Variants in FAF1 observed in about 807,000 individuals in gnomAD.
FAF1 encodes the protein FAS-associated factor 1.
FAF1 carries 25 observed loss-of-function variants against 92.5 expected under a neutral mutation model. The observed-to-expected ratio is 0.27, with a 90% CI of 0.20 to 0.38. The LOEUF is 0.38. FAF1 is among the 10% of genes least tolerant of loss of function. The pLI is 1.00. For synonymous variants in FAF1, 234 were observed against 273.2 expected, an observed-to-expected ratio of 0.86 and a Z score of 1.42; for missense variants, 636 against 793.3, an observed-to-expected ratio of 0.80 and a Z score of 2.38.
chr1:50,481,776 C>T (rs1311051838), intron 17 of FAF1, among the ~76,000 whole-genome samples: 2 of 151,996 alleles, frequency 1.3e-5, no homozygotes, highest in Non-Finnish European at 2.9e-5. Flanking sequence ...GAGGGTTCCA[C>T]ATGGATATTT....
At chr1:50,486,714 A>C (rs1019079758) in intron 17 of FAF1, among the ~76,000 whole-genome samples, 25 of 152,126 alleles carry the variant, frequency 1.6e-4, no homozygotes, top group African/African-American at 6.0e-4. Flanking sequence ...TGAGGGCTGG[A>C]CTATGCCTCG....
At chr1:50,449,899 TAA>T (rs1646274435) in intron 18 of FAF1, among the ~76,000 whole-genome samples, 1 of 151,834 alleles carries the variant, frequency 6.6e-6, no homozygotes, top group Non-Finnish European at 1.5e-5. Flanking sequence ...ATCATCCCTA[TAA>T]AAAGTTACCA....
chr1:50,943,430 TATTA>T (rs1233325957), intron 1 of FAF1, among the ~76,000 whole-genome samples: 2 of 152,204 alleles, frequency 1.3e-5, no homozygotes. Flanking sequence ...CAATAAGATA[TATTA>T]GTTAATTGTA....
At chr1:50,491,132 C>G (rs1572781065) in intron 16 of FAF1, among the ~76,000 whole-genome samples, 1 of 152,134 alleles carries the variant, frequency 6.6e-6, no homozygotes, top group Non-Finnish European at 1.5e-5. Flanking sequence ...TTGAAACATT[C>G]CCAGTATAGT....
chr1:50,663,174 G>T (rs995143652), intron 7 of FAF1, among the ~76,000 whole-genome samples: 2 of 151,536 alleles, frequency 1.3e-5, no homozygotes, highest in African/African-American at 4.9e-5. Context: ...AAGTTGCAGG[G>T]ATTATAACTG....
At chr1:50,735,711 T>C (rs1481465516) in intron 6 of FAF1, among the ~76,000 whole-genome samples, 1 of 152,144 alleles carries the variant, frequency 6.6e-6, no homozygotes, top group East Asian at 1.9e-4. Context: ...TTAATAACTA[T>C]TTTATTTTAT....
At chr1:50,877,205 C>T (rs899730036) in intron 1 of FAF1, among the ~76,000 whole-genome samples, 3 of 152,120 alleles carry the variant, frequency 2.0e-5, no homozygotes, top group African/African-American at 7.2e-5. Context: ...TGATCAAGGT[C>T]AATATCAACA....
At chr1:50,951,365 A>G (rs866169462) in intron 1 of FAF1, among the ~76,000 whole-genome samples, 5 of 152,264 alleles carry the variant, frequency 3.3e-5, no homozygotes, top group African/African-American at 9.6e-5. Context: ...GAAGTTCCCA[A>G]CAGAGAACAA....
At chr1:50,712,649 C>G (rs1557488549) in intron 6 of FAF1, among the ~76,000 whole-genome samples, 1 of 151,918 alleles carries the variant, frequency 6.6e-6, no homozygotes, top group Non-Finnish European at 1.5e-5. Flanking sequence ...GAGAGAGACT[C>G]TGTTGTAAAA....
intron 1 of FAF1, among the ~76,000 whole-genome samples, chr1:50,937,491 A>G (rs1645097227): frequency 6.6e-6 from 1 of 152,052 alleles, no homozygotes; most frequent in African/African-American, 2.4e-5. Flanking sequence ...CTGCCTTACA[A>G]AGTAGTGATC....
At chr1:50,705,736 A>G (rs1657647522) in intron 7 of FAF1, 50 bp downstream of exon 7, 2 of 1,017,254 alleles carry the variant, frequency 2.0e-6, no homozygotes, top group Non-Finnish European at 3.1e-6. Flanking sequence ...CAGGGTCAAC[A>G]TTAGCTATAA....
chr1:50,864,042 T>G (rs1160870715), intron 1 of FAF1, among the ~76,000 whole-genome samples: 2 of 148,568 alleles, frequency 1.3e-5, no homozygotes, highest in Non-Finnish European at 3.0e-5. Context: ...GTGGGATCAG[T>G]GGTGATATCC....
At chr1:50,550,947 G>A (rs1404470071) in intron 13 of FAF1, among the ~76,000 whole-genome samples, 1 of 152,162 alleles carries the variant, frequency 6.6e-6, no homozygotes, top group Non-Finnish European at 1.5e-5. Context: ...TGGCATATAA[G>A]AGAAATACAA....
chr1:50,505,809 T>A (rs553822522), intron 15 of FAF1, among the ~76,000 whole-genome samples: 46 of 152,272 alleles, frequency 3.0e-4, no homozygotes, highest in African/African-American at 1.1e-3. Flanking sequence ...AAAATCAATA[T>A]AAATGTTGGT....
In FAF1 at chr1:50,685,133, G is replaced by A. The variant is rs568148286; in HGVS notation, c.657+20653C>T. ...ATGAGGAGAAGGGGTAAGGCTGAGG[G>A]AGAAGAGCTGAGGGAACTACATGAG... On this transcript the variant is annotated intron_variant, in intron 7 of 18. Coordinates refer to ENST00000396153, the MANE Select transcript of FAF1 (RefSeq NM_007051.3). Among the ~76,000 whole-genome samples the A allele has an allele frequency of 4.6e-5, 7 of 152,312 alleles. No individual in the cohort carries two copies. The East Asian group carries it at 1.3e-3, about 29-fold the overall frequency.
At chr1:50,915,037 A>C (rs774669030) in intron 1 of FAF1, among the ~76,000 whole-genome samples, 2 of 152,206 alleles carry the variant, frequency 1.3e-5, no homozygotes, top group African/African-American at 2.4e-5. Flanking sequence ...TCACAGAGGA[A>C]GATGCTTCTG....
At chr1:50,647,759 C>A (rs1304982638) in intron 8 of FAF1, among the ~76,000 whole-genome samples, 1 of 152,010 alleles carries the variant, frequency 6.6e-6, no homozygotes, top group Non-Finnish European at 1.5e-5. Context: ...TCGACAGTTA[C>A]GGAGACTGAG....
At chr1:50,676,843 T>A (rs1656145067) in intron 7 of FAF1, among the ~76,000 whole-genome samples, 2 of 152,048 alleles carry the variant, frequency 1.3e-5, no homozygotes, top group African/African-American at 4.8e-5. Flanking sequence ...GCATATATAT[T>A]TTTTTCAAGA....
Position 50,549,735 on chromosome 1 carries a change from A to G in FAF1, c.1269-10007T>C, listed in dbSNP as rs138267952. 9.2e-3 allele frequency among the ~76,000 whole-genome samples: 1,402 copies of G among 152,146 alleles called. 17 individuals are homozygous for G. Among genetic ancestry groups the G allele is most frequent in the East Asian group, 0.055 (282 of 5,118 alleles). On this transcript the variant is annotated intron_variant, in intron 13 of 18. Coordinates refer to ENST00000396153, the MANE Select transcript of FAF1 (RefSeq NM_007051.3). ...GGTTGCAGTGAGCTGAGATCCCACCACTGCACTTCAGCCTAGGTGACACAG... is the reference window on the plus strand; with the variant it reads ...GGTTGCAGTGAGCTGAGATCCCACCGCTGCACTTCAGCCTAGGTGACACAG...
Sources: allele counts gnomAD v4.1 joint callset (sites outside exome capture counted in the v4.1 genomes callset), GRCh38; gene constraint gnomAD v4.1.1; transcripts MANE v1.5; gene names NCBI Gene and HGNC (gene_info 2026-07-23, HGNC 2026-07-21).